ACYP2: variants seen among roughly 807,000 people sequenced by gnomAD.
ACYP2 encodes acylphosphatase 2.
In ACYP2, 12 loss-of-function variants were observed where a neutral mutation model predicts 11.2. The ratio of observed to expected loss-of-function variants is 1.08; its 90% CI spans 0.69 to 1.74. The LOEUF is 1.74. Ranked by LOEUF, ACYP2 falls within the 40% of genes most tolerant of loss-of-function variation. The probability of loss-of-function intolerance (pLI) is 0.00; values close to 1 mark genes in which losing one functional copy is unlikely to be tolerated. For missense variants in ACYP2, 134 were observed against 101.9 expected, an observed-to-expected ratio of 1.31 and a Z score of -1.35; for synonymous variants, 43 against 32.2, an observed-to-expected ratio of 1.33 and a Z score of -1.13.
At chr2:54,091,852 T>G (rs1485573016) in intron 4 of ACYP2, among the ~76,000 whole-genome samples, 1 of 152,144 alleles carries the variant, frequency 6.6e-6, no homozygotes, top group Non-Finnish European at 1.5e-5. Flanking sequence ...TAGAGACATT[T>G]CTAGTTCCAG....
At chr2:54,256,256 GCCCACTCTTCAGTCTCGCGACA>G in intron 6 of ACYP2, 4 of 1,343,414 alleles carry the variant, frequency 3.0e-6, no homozygotes, top group Non-Finnish European at 4.1e-6. Context: ...CATTTGCGCC[GCCCACTCTTCAGTCTCGCGACA>G]CCCACCCCTC....
At chr2:54,046,150 A>G (rs917035016) in intron 2 of ACYP2, among the ~76,000 whole-genome samples, 1 of 137,582 alleles carries the variant, frequency 7.3e-6, no homozygotes, top group African/African-American at 2.8e-5. Flanking sequence ...AGCTTGGGTG[A>G]CAAAGCCAGA....
At chr2:54,051,689 G>C in intron 3 of ACYP2, 1 of 652,332 alleles carries the variant, frequency 1.5e-6, no homozygotes, top group Non-Finnish European at 2.8e-6. Context: ...GCTGCATATT[G>C]AGCTAAAGGA....
chr2:54,174,337 G>C (rs1683346528), intron 6 of ACYP2, among the ~76,000 whole-genome samples: 1 of 151,998 alleles, frequency 6.6e-6, no homozygotes, highest in African/African-American at 2.4e-5. Context: ...TTTGTTATTG[G>C]TGTAGAGGAA....
chr2:54,224,907 T>C (rs1489401189), intron 6 of ACYP2, among the ~76,000 whole-genome samples: 1 of 152,180 alleles, frequency 6.6e-6, no homozygotes, highest in East Asian at 1.9e-4. Flanking sequence ...GTGATTATGT[T>C]TGTGGGGCAA....
At chr2:54,008,205 C>A (rs1673178690) in intron 2 of ACYP2, among the ~76,000 whole-genome samples, 1 of 152,218 alleles carries the variant, frequency 6.6e-6, no homozygotes, top group Non-Finnish European at 1.5e-5. Flanking sequence ...AAAGACCATG[C>A]AGCTGCCAAG....
At chr2:54,197,240 C>G (rs1273193038) in intron 6 of ACYP2, among the ~76,000 whole-genome samples, 1 of 152,112 alleles carries the variant, frequency 6.6e-6, no homozygotes, top group South Asian at 2.1e-4. Context: ...GGGTTGAGAG[C>G]TACCTCAGGG....
intron 2 of ACYP2, among the ~76,000 whole-genome samples, chr2:54,010,771 A>C (rs1673323080): frequency 1.8e-5 from 2 of 111,288 alleles, no homozygotes; most frequent in African/African-American, 3.7e-5. Context: ...TTTTTGAGGC[A>C]GCAGAGTTCA....
intron 4 of ACYP2, among the ~76,000 whole-genome samples, chr2:54,081,317 A>C (rs1187700716): frequency 6.6e-6 from 1 of 152,222 alleles, no homozygotes; most frequent in African/African-American, 2.4e-5. Flanking sequence ...TATCAAGTAC[A>C]GTCCTGCAGT....
intron 6 of ACYP2, chr2:54,254,810 G>A: frequency 9.0e-7 from 1 of 1,110,878 alleles, no homozygotes; most frequent in Non-Finnish European, 1.3e-6. Flanking sequence ...GAGGGTACAG[G>A]AAAGTCAGAA....
rs1040692998 is a variant in ACYP2 at position 54,051,394 on chromosome 2, A to C, written c.155+344A>C. On this transcript the variant is annotated intron_variant, in intron 3 of 6. Transcript: ENST00000607452. Reference sequence around the variant, plus strand: ...TAAAGAGAAAAGTGAAGACATGGCAAAGGTAGAGAAGGCCCATTATGAAAG... The same window carrying C: ...TAAAGAGAAAAGTGAAGACATGGCACAGGTAGAGAAGGCCCATTATGAAAG... 1.6e-5 allele frequency: 12 copies of C among 743,190 alleles called. No individual in the cohort carries two copies. In the African/African-American group the frequency reaches 2.1e-4, roughly 13 times the overall value. The allele number at this position is 743,190 out of a possible 1,614,324, so 46.0% of individuals were successfully genotyped here.
At chr2:54,221,051 A>C (rs1388261555) in intron 6 of ACYP2, among the ~76,000 whole-genome samples, 1 of 152,204 alleles carries the variant, frequency 6.6e-6, no homozygotes, top group Non-Finnish European at 1.5e-5. Flanking sequence ...ATATGCTTGC[A>C]TGGTTTGGCT....
intron 2 of ACYP2, among the ~76,000 whole-genome samples, chr2:54,012,639 C>G (rs752698646): frequency 2.6e-5 from 4 of 152,108 alleles, no homozygotes; most frequent in Non-Finnish European, 5.9e-5. Flanking sequence ...TCTGGTGACT[C>G]CTCTATCCTC....
intron 2 of ACYP2, among the ~76,000 whole-genome samples, chr2:54,038,657 A>G (rs1675038954): frequency 7.0e-6 from 1 of 143,782 alleles, no homozygotes; most frequent in African/African-American, 2.6e-5. Flanking sequence ...TTCATTCAAT[A>G]AATCTTTATT....
intron 2 of ACYP2, among the ~76,000 whole-genome samples, chr2:54,007,285 C>T (rs1274204382): frequency 2.1e-5 from 3 of 140,032 alleles, no homozygotes; most frequent in African/African-American, 8.0e-5. Context: ...GACGGAGTCT[C>T]GCTCTGTCAC....
chr2:53,996,241 A>G (rs1226441014), intron 2 of ACYP2, among the ~76,000 whole-genome samples: 1 of 152,106 alleles, frequency 6.6e-6, no homozygotes, highest in Non-Finnish European at 1.5e-5. Context: ...TTTTCTATTT[A>G]GAGTTGTGTA....
At chr2:54,094,024 C>T (rs1678380858) in intron 4 of ACYP2, among the ~76,000 whole-genome samples, 1 of 152,088 alleles carries the variant, frequency 6.6e-6, no homozygotes, top group South Asian at 2.1e-4. Flanking sequence ...AAGTAAAATG[C>T]TTAGTAAAGC....
chr2:54,011,586 T>C (rs1426531163), intron 2 of ACYP2, among the ~76,000 whole-genome samples: 1 of 152,220 alleles, frequency 6.6e-6, no homozygotes, highest in African/African-American at 2.4e-5. Flanking sequence ...GGGGAACCTT[T>C]TTATTTCTAC....
intron 6 of ACYP2, chr2:54,256,161 G>A (rs776612117): frequency 2.5e-5 from 40 of 1,605,070 alleles, no homozygotes; most frequent in Non-Finnish European, 2.9e-5. Flanking sequence ...TGTTGGTAGC[G>A]GCCAGGGCAG....
Sources: allele counts gnomAD v4.1 joint callset (sites outside exome capture counted in the v4.1 genomes callset), GRCh38; gene constraint gnomAD v4.1.1; transcripts MANE v1.5; gene names NCBI Gene and HGNC (gene_info 2026-07-23, HGNC 2026-07-21).